Variants in CADM2 observed in about 807,000 individuals in gnomAD.
CADM2 encodes immunoglobulin superfamily member 4D.
A neutral mutation model predicts 49.8 loss-of-function variants in CADM2; 12 were observed. That is an observed-to-expected ratio of 0.24 (90% CI 0.15 to 0.39). CADM2 has a LOEUF of 0.39. Among genes scored for constraint, CADM2 ranks in the 10% least tolerant of loss-of-function variants. The probability of loss-of-function intolerance (pLI) is 1.00; values close to 1 mark genes in which losing one functional copy is unlikely to be tolerated. For missense variants in CADM2, 378 were observed against 492.3 expected (o/e 0.77, Z 2.20); for synonymous variants, 214 against 175.4 (o/e 1.22, Z -1.74).
chr3:85,444,893 G>T (rs2037373523), intron 1 of CADM2, among the ~76,000 whole-genome samples: 1 of 152,078 alleles, frequency 6.6e-6, no homozygotes, highest in South Asian at 2.1e-4. Context: ...TTGCAGTCTA[G>T]CACAGAAAAT....
At chr3:85,535,958 A>G (rs1576745993) in intron 1 of CADM2, among the ~76,000 whole-genome samples, 1 of 152,150 alleles carries the variant, frequency 6.6e-6, no homozygotes, top group East Asian at 1.9e-4. Flanking sequence ...TTCTGGTGTA[A>G]CAGGATGGTT....
At chr3:85,786,759 A>T (rs762199765) in intron 2 of CADM2, among the ~76,000 whole-genome samples, 13 of 152,168 alleles carry the variant, frequency 8.5e-5, no homozygotes, top group South Asian at 6.2e-4. Context: ...TATTATGTAT[A>T]TGTATACCTC....
intron 1 of CADM2, among the ~76,000 whole-genome samples, chr3:85,662,073 A>G (rs2065425674): frequency 1.3e-5 from 2 of 152,072 alleles, no homozygotes; most frequent in Admixed American, 6.6e-5. Flanking sequence ...TGTATTCTAT[A>G]TGTACCAAAT....
chr3:85,467,962 G>A (rs112911909), intron 1 of CADM2, among the ~76,000 whole-genome samples: 47,029 of 150,928 alleles, frequency 0.31, 7,917 homozygotes, highest in East Asian at 0.52. Flanking sequence ...AGACCATCCC[G>A]GCTAAAACGG....
chr3:85,220,814 A>G (rs1191785785), intron 1 of CADM2, among the ~76,000 whole-genome samples: 1 of 152,164 alleles, frequency 6.6e-6, no homozygotes, highest in African/African-American at 2.4e-5. Context: ...TTAGAAAAAA[A>G]AAAATGGTTG....
At chr3:85,280,469 C>A (rs1166997880) in intron 1 of CADM2, among the ~76,000 whole-genome samples, 1 of 151,502 alleles carries the variant, frequency 6.6e-6, no homozygotes, top group African/African-American at 2.4e-5. Context: ...TCGCTTGCAA[C>A]TTTAAAAATT....
intron 8 of CADM2, among the ~76,000 whole-genome samples, chr3:86,041,764 C>G (rs1735976561): frequency 6.6e-6 from 1 of 152,162 alleles, no homozygotes; most frequent in Non-Finnish European, 1.5e-5. Context: ...CCCCCCAAAT[C>G]AACAAAATAT....
At chr3:85,489,093 T>A (rs1381731592) in intron 1 of CADM2, among the ~76,000 whole-genome samples, 4 of 152,154 alleles carry the variant, frequency 2.6e-5, no homozygotes, top group Non-Finnish European at 2.9e-5. Flanking sequence ...AATATCTTAG[T>A]TTTAGTATTG....
intron 8 of CADM2, among the ~76,000 whole-genome samples, chr3:86,016,072 A>G (rs538258268): frequency 5.6e-5 from 8 of 142,258 alleles, no homozygotes; most frequent in African/African-American, 2.2e-4. Context: ...TATTCACTAA[A>G]GGAAAATAAT....
At chr3:85,151,864 C>T (rs2039932475) in intron 1 of CADM2, among the ~76,000 whole-genome samples, 1 of 152,132 alleles carries the variant, frequency 6.6e-6, no homozygotes, top group Non-Finnish European at 1.5e-5. Flanking sequence ...TTGAACAAAT[C>T]ATTATAGAAC....
intron 8 of CADM2, among the ~76,000 whole-genome samples, chr3:86,041,080 A>C (rs1223469297): frequency 1.3e-5 from 2 of 152,218 alleles, no homozygotes; most frequent in Non-Finnish European, 2.9e-5. Context: ...TCCTGAAGGA[A>C]ACACTAAACG....
intron 8 of CADM2, among the ~76,000 whole-genome samples, chr3:85,965,586 A>T (rs1725376490): frequency 6.6e-6 from 1 of 151,422 alleles, no homozygotes; most frequent in Non-Finnish European, 1.5e-5. Context: ...GAAAACTCTA[A>T]TTTTTTTCTA....
intron 3 of CADM2, among the ~76,000 whole-genome samples, chr3:85,871,803 T>A (rs1390028083): frequency 6.6e-6 from 1 of 152,154 alleles, no homozygotes; most frequent in African/African-American, 2.4e-5. Flanking sequence ...CTACTGCCCT[T>A]GTATTGAGCA....
Position 85,288,495 on chromosome 3 carries a change from AAAT to A in CADM2, c.61+328835_61+328837del, listed in dbSNP as rs1368434282. Among the ~76,000 whole-genome samples the A allele has an allele frequency of 2.0e-5, 3 of 152,216 alleles. 1 individual carries two copies. The highest frequency in any genetic ancestry group is 2.9e-5 in the Non-Finnish European group (2 of 68,010). Reference sequence around the variant, plus strand: ...AAGGTAAGCACTTTTAAACTTATTAAAATAATAATATTAATATTGATAATTATT... The same window carrying A: ...AAGGTAAGCACTTTTAAACTTATTAAAATAATATTAATATTGATAATTATT... On this transcript the variant is annotated intron_variant, in intron 1 of 9. Transcript: ENST00000383699.
intron 2 of CADM2, among the ~76,000 whole-genome samples, chr3:85,755,330 C>A (rs2069061140): frequency 6.6e-6 from 1 of 152,124 alleles, no homozygotes; most frequent in Non-Finnish European, 1.5e-5. Flanking sequence ...AAGAATACAA[C>A]CCAGGAATAG....
At chr3:85,308,454 C>T (rs1035739543) in intron 1 of CADM2, among the ~76,000 whole-genome samples, 8 of 151,924 alleles carry the variant, frequency 5.3e-5, no homozygotes, top group Middle Eastern at 3.4e-3. Context: ...TTTTGAAGAA[C>T]TTCAGAGAGA....
intron 1 of CADM2, among the ~76,000 whole-genome samples, chr3:85,666,718 G>A (rs2107622428): frequency 6.6e-6 from 1 of 151,860 alleles, no homozygotes; most frequent in South Asian, 2.1e-4. Context: ...TTCGATATGG[G>A]ACTGAACAAC....
At chr3:85,201,864 C>T (rs2107747417) in intron 1 of CADM2, among the ~76,000 whole-genome samples, 1 of 151,986 alleles carries the variant, frequency 6.6e-6, no homozygotes, top group South Asian at 2.1e-4. Flanking sequence ...GGGCGGATCA[C>T]AAGGTCAAGA....
At chr3:85,875,461 G>T (rs1371623107) in intron 3 of CADM2, among the ~76,000 whole-genome samples, 3 of 152,098 alleles carry the variant, frequency 2.0e-5, no homozygotes, top group Non-Finnish European at 4.4e-5. Flanking sequence ...TTAGACTTCT[G>T]ATCCTTTTTG....
Sources: gnomAD v4.1 joint callset for allele counts (sites outside exome capture counted in the v4.1 genomes callset) on GRCh38, gnomAD v4.1.1 for gene constraint, MANE v1.5 for transcripts, NCBI Gene and HGNC (gene_info 2026-07-23, HGNC 2026-07-21) for gene names.